Variants in GPR137B observed in about 807,000 individuals in gnomAD.
GPR137B encodes the protein G protein-coupled receptor 137B.
In GPR137B, 42 loss-of-function variants were observed where a neutral mutation model predicts 42.5. The observed-to-expected ratio is 0.99, with a 90% CI of 0.77 to 1.28. The LOEUF (loss-of-function observed/expected upper bound fraction) is 1.28, where lower values mean the gene tolerates loss of function less well. Ranked by LOEUF, GPR137B falls within the 50% of genes most tolerant of loss-of-function variation. The pLI is 0.00. For synonymous variants in GPR137B, 218 were observed against 209.7 expected, an observed-to-expected ratio of 1.04 and a Z score of -0.34; for missense variants, 487 against 493.9, an observed-to-expected ratio of 0.99 and a Z score of 0.13.
chr1:236,198,783 C>T (rs1663413630), intron 5 of GPR137B, among the ~76,000 whole-genome samples: 1 of 151,924 alleles, frequency 6.6e-6, no homozygotes, highest in Non-Finnish European at 1.5e-5. Flanking sequence ...TGTTGGTGAT[C>T]AGTTTTAGGA....
intron 1 of GPR137B, among the ~76,000 whole-genome samples, chr1:236,151,110 G>A (rs931611130): frequency 3.3e-5 from 5 of 152,206 alleles, no homozygotes; most frequent in African/African-American, 4.8e-5. Context: ...GTGAGAAGAA[G>A]AAAGCTGGTT....
chr1:236,205,090 T>G, intron 5 of GPR137B, 36 bp from the exon 6 acceptor site: 1 of 1,473,420 alleles, frequency 6.8e-7, no homozygotes, highest in Non-Finnish European at 9.2e-7. Flanking sequence ...AGGCATGATG[T>G]CTGTAAGTAT....
At chr1:236,144,290 C>T (rs1336029028) in intron 1 of GPR137B, among the ~76,000 whole-genome samples, 2 of 152,044 alleles carry the variant, frequency 1.3e-5, no homozygotes, top group African/African-American at 4.8e-5. Context: ...TAGTGCCCGC[C>T]TGTAGTTCCA....
rs1408074545 is a variant in GPR137B, at chr1:236,186,341, A to ATG, written c.966+2436_966+2437insGT. ...ATATAAATAATATATAATTATATAT[A>ATG]TTATATAATATATATTATTAAGTTC... On this transcript the variant is annotated intron_variant, in intron 5 of 6. Coordinates refer to ENST00000366592, the MANE Select transcript of GPR137B (RefSeq NM_003272.4). 1.5e-3 allele frequency among the ~76,000 whole-genome samples: 166 copies of ATG among 109,694 alleles called. 7 individuals carry two copies. The highest frequency in any genetic ancestry group is 5.6e-3 in the African/African-American group (153 of 27,214). The allele number at this position is 109,694 out of a possible 152,430, so 72.0% of individuals were successfully genotyped here.
intron 1 of GPR137B, among the ~76,000 whole-genome samples, chr1:236,166,298 C>T (rs1213692734): frequency 6.6e-6 from 1 of 151,634 alleles, no homozygotes; most frequent in African/African-American, 2.4e-5. Context: ...TGTTTGGTAA[C>T]GTTTCTTTTT....
At chr1:236,192,524 T>G (rs10924686) in intron 5 of GPR137B, among the ~76,000 whole-genome samples, 54,659 of 151,906 alleles carry the variant, frequency 0.36, 10,924 homozygotes, top group East Asian at 0.6. Context: ...GTCGGAAAAG[T>G]GCAGTATCTG....
chr1:236,177,762 G>T (rs1305431775), intron 2 of GPR137B, among the ~76,000 whole-genome samples: 5 of 151,752 alleles, frequency 3.3e-5, no homozygotes, highest in African/African-American at 1.2e-4. Context: ...CACCATGTTG[G>T]CCAGGCTGGT....
chr1:236,143,568 T>C (rs974258365), intron 1 of GPR137B, among the ~76,000 whole-genome samples: 2 of 152,194 alleles, frequency 1.3e-5, no homozygotes, highest in African/African-American at 2.4e-5. Flanking sequence ...GCTTAGGAGC[T>C]CTACAGAACT....
chr1:236,205,311 T>C, intron 6 of GPR137B, 61 bp downstream of exon 6: 5 of 1,452,958 alleles, frequency 3.4e-6, no homozygotes, highest in Non-Finnish European at 4.7e-6. Context: ...ACCAGTTAAA[T>C]AGATTCAAGC....
chr1:236,142,950 A>G lies in GPR137B; in HGVS notation c.328A>G (p.Ser110Gly), dbSNP rs768692866. 4.0e-5 allele frequency: 64 copies of G among 1,614,078 alleles called. No individual in the cohort carries two copies. The highest frequency in any genetic ancestry group is 5.2e-5 in the Non-Finnish European group (61 of 1,180,026). ...AGACTTCGTGGCGGCCAATTCGCTC[A>G]GCCCCTTCGTCTTCTGGCTGCTCTA... ...FKDFVAANSL[S>G]PFVFWLLYCF... is the part of the protein sequence containing the mutation. Residue 110 changes from serine (S) to glycine (G), a missense_variant, in exon 1 of 7, where the codon AGC becomes GGC. Physicochemically the swap from Ser to Gly is moderately conservative, Grantham distance 56. Coordinates refer to ENST00000366592, the MANE Select transcript of GPR137B (RefSeq NM_003272.4).
chr1:236,174,938 G>A (rs904377950), intron 2 of GPR137B, among the ~76,000 whole-genome samples: 7 of 152,288 alleles, frequency 4.6e-5, no homozygotes, highest in Non-Finnish European at 7.3e-5. Flanking sequence ...AATGAGTCTG[G>A]AACTCAGATC....
intron 2 of GPR137B, among the ~76,000 whole-genome samples, chr1:236,177,370 TATC>T (rs1365164815): frequency 2.6e-5 from 4 of 152,060 alleles, no homozygotes; most frequent in African/African-American, 7.2e-5. Flanking sequence ...CCCACCGACT[TATC>T]ATCAGTGGCA....
chr1:236,144,626 G>A (rs1661632205), intron 1 of GPR137B, among the ~76,000 whole-genome samples: 1 of 152,230 alleles, frequency 6.6e-6, no homozygotes, highest in Non-Finnish European at 1.5e-5. Context: ...GGAGAGTAAT[G>A]CGTATTGCCT....
chr1:236,190,977 C>T (rs1663176420), intron 5 of GPR137B, among the ~76,000 whole-genome samples: 2 of 152,138 alleles, frequency 1.3e-5, no homozygotes, highest in Admixed American at 1.3e-4. Context: ...TTCAGGTACA[C>T]CAATCAAATG....
chr1:236,151,024 G>T (rs1002787987), intron 1 of GPR137B, among the ~76,000 whole-genome samples: 1 of 152,190 alleles, frequency 6.6e-6, no homozygotes, highest in African/African-American at 2.4e-5. Flanking sequence ...AGCGTCTTAG[G>T]GTTTTGCAAA....
In GPR137B at chr1:236,205,232, C is replaced by T. The variant is rs773126810; in HGVS notation, c.1073C>T (p.Pro358Leu). 6.2e-7 allele frequency: 1 copy of T among 1,613,442 alleles called. No individual in the cohort carries two copies. The highest frequency in any genetic ancestry group is 1.3e-5 in the African/African-American group (1 of 75,024). Residue 358 changes from proline to leucine, a missense_variant, in exon 6 of 7, where the codon CCT becomes CTT. Coordinates refer to ENST00000366592, the MANE Select transcript of GPR137B (RefSeq NM_003272.4). ...SDDDLAWNIA[P>L]QGLQGGFAPD... is the part of the protein sequence containing the mutation. ...GATGACCTTGCCTGGAACATTGCCC[C>T]TCAGGGACTTCAGGGAGGGTAAGAC...
intron 3 of GPR137B, among the ~76,000 whole-genome samples, chr1:236,179,436 C>T (rs1662803151): frequency 6.6e-6 from 1 of 152,100 alleles, no homozygotes; most frequent in Non-Finnish European, 1.5e-5. Flanking sequence ...CTCAAAGATT[C>T]CAGACAGAGC....
At chr1:236,180,341 T>A (rs1405361051) in intron 4 of GPR137B, among the ~76,000 whole-genome samples, 1 of 152,018 alleles carries the variant, frequency 6.6e-6, no homozygotes, top group Admixed American at 6.5e-5. Flanking sequence ...TGGTTGAGTC[T>A]GCAGATGTGG....
At chr1:236,173,564 CG>C (rs1662609050) in intron 2 of GPR137B, among the ~76,000 whole-genome samples, 1 of 152,154 alleles carries the variant, frequency 6.6e-6, no homozygotes, top group Non-Finnish European at 1.5e-5. Context: ...CTTGAAGACT[CG>C]CCTCATCCCT....
Sources: allele counts gnomAD v4.1 joint callset (sites outside exome capture counted in the v4.1 genomes callset), GRCh38; gene constraint gnomAD v4.1.1; transcripts MANE v1.5; gene names NCBI Gene and HGNC (gene_info 2026-07-23, HGNC 2026-07-21).